LRP1B: variants seen among roughly 807,000 people sequenced by gnomAD.
LRP1B encodes the protein low-density lipoprotein receptor-related protein 1B.
In LRP1B, 217 loss-of-function variants were observed where a neutral mutation model predicts 556.6. The observed-to-expected ratio is 0.39, with a 90% CI of 0.35 to 0.44. The LOEUF (loss-of-function observed/expected upper bound fraction) is 0.44, where lower values mean the gene tolerates loss of function less well. Among genes scored for constraint, LRP1B ranks in the 20% least tolerant of loss-of-function variants. The probability of loss-of-function intolerance (pLI) is 1.00; values close to 1 mark genes in which losing one functional copy is unlikely to be tolerated. For missense variants in LRP1B, 5,053 were observed against 5,620.8 expected, an observed-to-expected ratio of 0.90 and a Z score of 3.23; for synonymous variants, 2,047 against 1,865.8, an observed-to-expected ratio of 1.10 and a Z score of -2.50.
intron 44 of LRP1B, 60 bp downstream of exon 44, chr2:140,541,719 A>G (rs1680138881): frequency 1.6e-6 from 2 of 1,288,282 alleles, no homozygotes; most frequent in South Asian, 3.2e-5. Flanking sequence ...ACATATATAC[A>G]TTTTTAGAGA....
rs566001891 is a variant in LRP1B at position 142,050,840 on chromosome 2, G to T, written c.82+79808C>A. On this transcript the variant is annotated intron_variant, in intron 1 of 90. Transcript: ENST00000389484. ...ACTAAATTTATATATAGGAAATTAGGATACCTCCAAACATTCTACCTCATT... is the reference window on the plus strand; with the variant it reads ...ACTAAATTTATATATAGGAAATTAGTATACCTCCAAACATTCTACCTCATT... Among the ~76,000 whole-genome samples the T allele has an allele frequency of 6.6e-5, 10 of 152,124 alleles. No homozygotes were observed. The South Asian group carries it at 1.2e-3, about 19-fold the overall frequency.
rs147238923 is a variant in LRP1B at position 140,802,645 on chromosome 2, A to C, written c.5359+11012T>G. 1.6e-3 allele frequency among the ~76,000 whole-genome samples: 238 copies of C among 152,280 alleles called. 6 individuals carry two copies. In the East Asian group the frequency reaches 0.042, roughly 27 times the overall value. Reference sequence around the variant, plus strand: ...TCTAGTGATGCTTTATATGAGAAAAAGCAGCTATTTCTTCAGATATAGTAT... The same window carrying C: ...TCTAGTGATGCTTTATATGAGAAAACGCAGCTATTTCTTCAGATATAGTAT... On this transcript the variant is annotated intron_variant, in intron 32 of 90. Transcript: ENST00000389484.
At chr2:141,824,355 C>T (rs1444503944) in intron 1 of LRP1B, among the ~76,000 whole-genome samples, 1 of 152,152 alleles carries the variant, frequency 6.6e-6, no homozygotes, top group Non-Finnish European at 1.5e-5. Flanking sequence ...GTCAAAAAGC[C>T]TGTTCTCATA....
At chr2:141,481,097 G>A (rs1203072339) in intron 2 of LRP1B, among the ~76,000 whole-genome samples, 1 of 152,088 alleles carries the variant, frequency 6.6e-6, no homozygotes, top group Non-Finnish European at 1.5e-5. Context: ...CTTTTACTGA[G>A]CAACTACAAT....
chr2:142,126,472 AGTT>A (rs1160724556), intron 1 of LRP1B, among the ~76,000 whole-genome samples: 1 of 151,876 alleles, frequency 6.6e-6, no homozygotes, highest in African/African-American at 2.4e-5. Context: ...GCAATTGTAT[AGTT>A]GGGTTCCACT....
chr2:141,247,302 T>G lies in LRP1B; in HGVS notation c.516A>C (p.Thr172=). The G allele has an allele frequency of 6.2e-7, 1 of 1,613,862 alleles. No homozygotes were observed. The change falls in exon 5 of 91, where the codon ACA becomes ACC. Residue 172 remains threonine, a synonymous_variant. Transcript: ENST00000389484. The stretch of plus-strand genomic sequence containing the variant: ...CACAACTGCAAGTGTAGGATCCATG[T>G]GTGTTTCTGCAGGTCTGGCTGCATG... ...YGTCSQTCRN[T]HGSYTCSCVE... is the part of the protein sequence containing the mutation.
intron 29 of LRP1B, among the ~76,000 whole-genome samples, chr2:140,846,337 A>G (rs1255570967): frequency 6.6e-6 from 1 of 152,130 alleles, no homozygotes; most frequent in Non-Finnish European, 1.5e-5. Flanking sequence ...GTAGAATGAA[A>G]AGGCTGGCAA....
intron 1 of LRP1B, among the ~76,000 whole-genome samples, chr2:141,983,670 C>T (rs1334687194): frequency 4.6e-5 from 7 of 152,108 alleles, no homozygotes; most frequent in East Asian, 1.9e-4. Flanking sequence ...TTCAAACATG[C>T]TTGTTGAAAT....
intron 1 of LRP1B, among the ~76,000 whole-genome samples, chr2:141,824,783 T>C (rs950698308): frequency 1.3e-5 from 2 of 152,224 alleles, no homozygotes; most frequent in Non-Finnish European, 2.9e-5. Context: ...TAAAAATCCA[T>C]GTATGTGAGT....
chr2:140,748,571 T>C (rs1483665631), intron 35 of LRP1B, among the ~76,000 whole-genome samples: 1 of 99,050 alleles, frequency 1.0e-5, no homozygotes, highest in Non-Finnish European at 1.9e-5. Context: ...TTGTTAAACA[T>C]AGTTATACAT....
intron 3 of LRP1B, among the ~76,000 whole-genome samples, chr2:141,319,405 A>T (rs1687155330): frequency 6.6e-6 from 1 of 151,096 alleles, no homozygotes; most frequent in Admixed American, 6.6e-5. Flanking sequence ...AAGTGAGGCA[A>T]ATCTGAATAA....
intron 7 of LRP1B, among the ~76,000 whole-genome samples, chr2:141,183,603 G>A (rs915453837): frequency 3.9e-5 from 6 of 151,956 alleles, no homozygotes; most frequent in Admixed American, 1.3e-4. Flanking sequence ...GAGGTGATGG[G>A]TTCACAAATA....
In LRP1B at chr2:141,019,989, T is replaced by C. The variant is rs533718043; in HGVS notation, c.1903A>G (p.Ser635Gly). Residue 635 changes from serine to glycine, a missense_variant, in exon 12 of 91, where the codon AGT (serine) becomes GGT (glycine). Transcript: ENST00000389484. ...NVARLEKASQ[S>G]RKTLLEGEMS... ...TCACCCTCTAAAAGAGTCTTCCGAC[T>C]CTGAGAAGCTTTTTCCAGCCTGGCC... is the stretch of plus-strand genomic sequence containing the variant. The C allele has an allele frequency of 6.2e-7, 1 of 1,612,096 alleles. No homozygotes were observed. Among genetic ancestry groups the C allele is most frequent in the Admixed American group, 1.7e-5 (1 of 59,894 alleles).
chr2:141,617,427 A>T (rs1014816085), intron 2 of LRP1B, among the ~76,000 whole-genome samples: 2 of 152,190 alleles, frequency 1.3e-5, no homozygotes, highest in African/African-American at 4.8e-5. Flanking sequence ...ATGGTGAGGT[A>T]TCATTGGCTG....
At chr2:140,313,187 C>A (rs188631085) in intron 83 of LRP1B, among the ~76,000 whole-genome samples, 1 of 151,876 alleles carries the variant, frequency 6.6e-6, no homozygotes, top group Non-Finnish European at 1.5e-5. Flanking sequence ...TTATTAGATG[C>A]TATAAAATAA....
intron 73 of LRP1B, 34 bp from the exon 74 acceptor site, chr2:140,358,150 A>T (rs746250464): frequency 5.0e-6 from 8 of 1,593,834 alleles, no homozygotes; most frequent in Non-Finnish European, 6.9e-6. Context: ...TTAGTGCTTC[A>T]CAGAATCAAA....
chr2:141,638,663 G>A (rs1353949808), intron 2 of LRP1B, among the ~76,000 whole-genome samples: 3 of 113,716 alleles, frequency 2.6e-5, no homozygotes, highest in African/African-American at 9.1e-5. Flanking sequence ...TGAGAAAGTA[G>A]ATTCATTCCT....
At chr2:141,857,183 C>T (rs10182153) in intron 1 of LRP1B, among the ~76,000 whole-genome samples, 52,730 of 151,830 alleles carry the variant, frequency 0.35, 9,566 homozygotes, top group Middle Eastern at 0.48. Context: ...GGTATAAAGT[C>T]AACCTTCATT....
At chr2:141,883,140 C>A (rs1462347890) in intron 1 of LRP1B, among the ~76,000 whole-genome samples, 1 of 152,094 alleles carries the variant, frequency 6.6e-6, no homozygotes, top group Non-Finnish European at 1.5e-5. Context: ...TCCAACAGTG[C>A]CACAAAGTGT....
Sources: allele counts gnomAD v4.1 joint callset (sites outside exome capture counted in the v4.1 genomes callset), GRCh38; gene constraint gnomAD v4.1.1; transcripts MANE v1.5; gene names NCBI Gene and HGNC (gene_info 2026-07-23, HGNC 2026-07-21).